Variants in MAD1L1 observed in about 807,000 individuals in gnomAD.
MAD1L1 encodes the protein mitotic arrest deficient 1 like 1.
MAD1L1 carries 95 observed loss-of-function variants against 96.9 expected under a neutral mutation model. That is an observed-to-expected ratio of 0.98 (90% confidence interval 0.83 to 1.16). The LOEUF (loss-of-function observed/expected upper bound fraction) is 1.16, where lower values mean the gene tolerates loss of function less well. Ranked by LOEUF, MAD1L1 falls within the 50% of genes most tolerant of loss-of-function variation. The pLI, the probability that MAD1L1 is intolerant of heterozygous loss-of-function variation, is 0.00. For synonymous variants in MAD1L1, 473 were observed against 396.6 expected (o/e 1.19, Z -2.29); for missense variants, 1,007 against 954.4 (o/e 1.06, Z -0.73).
intron 10 of MAD1L1, among the ~76,000 whole-genome samples, chr7:2,162,233 T>C (rs1050288820): frequency 1.2e-4 from 18 of 152,222 alleles, no homozygotes; most frequent in Non-Finnish European, 1.3e-4. Flanking sequence ...CTCCATTTTG[T>C]TCTGTACTAA....
chr7:2,105,103 G>A (rs771771790), intron 11 of MAD1L1, among the ~76,000 whole-genome samples: 1 of 152,152 alleles, frequency 6.6e-6, no homozygotes, highest in African/African-American at 2.4e-5. Flanking sequence ...GAGGTCTGCC[G>A]GGAAGAAACT....
chr7:1,979,327 G>A (rs1476198899), intron 15 of MAD1L1, among the ~76,000 whole-genome samples: 3 of 152,208 alleles, frequency 2.0e-5, no homozygotes, highest in African/African-American at 7.2e-5. Flanking sequence ...GAGAAACCCT[G>A]GATGCCCAGG....
At chr7:1,832,263 G>A (rs930138908) in intron 18 of MAD1L1, among the ~76,000 whole-genome samples, 6 of 152,164 alleles carry the variant, frequency 3.9e-5, no homozygotes, top group African/African-American at 9.7e-5. Context: ...ATGGACAGAT[G>A]TGGTGAAAAT....
intron 17 of MAD1L1, among the ~76,000 whole-genome samples, chr7:1,900,164 C>A (rs903343452): frequency 1.3e-5 from 2 of 152,238 alleles, no homozygotes; most frequent in Non-Finnish European, 2.9e-5. Flanking sequence ...GCTATGACAG[C>A]TATGAACACG....
At chr7:2,064,505 A>G (rs1376636181) in intron 12 of MAD1L1, among the ~76,000 whole-genome samples, 1 of 152,256 alleles carries the variant, frequency 6.6e-6, no homozygotes, top group African/African-American at 2.4e-5. Flanking sequence ...TGGGCCAGGA[A>G]CATAGCAGGA....
intron 12 of MAD1L1, among the ~76,000 whole-genome samples, chr7:2,022,575 C>G (rs1291334887): frequency 6.6e-6 from 1 of 151,616 alleles, no homozygotes; most frequent in Non-Finnish European, 1.5e-5. Flanking sequence ...AAATTCTGTG[C>G]TAACAGAATT....
At chr7:2,218,427 G>C (rs1373934410) in intron 6 of MAD1L1, among the ~76,000 whole-genome samples, 1 of 152,198 alleles carries the variant, frequency 6.6e-6, no homozygotes, top group Non-Finnish European at 1.5e-5. Context: ...TCTCTACTAC[G>C]GAACTAGAAC....
chr7:2,098,726 G>A (rs1274843993), intron 11 of MAD1L1, among the ~76,000 whole-genome samples: 3 of 152,092 alleles, frequency 2.0e-5, no homozygotes, highest in African/African-American at 7.2e-5. Context: ...TACCACACCC[G>A]ATAGCTGCCC....
chr7:2,171,470 C>T (rs1790701271), intron 10 of MAD1L1, among the ~76,000 whole-genome samples: 1 of 152,166 alleles, frequency 6.6e-6, no homozygotes, highest in Admixed American at 6.5e-5. Flanking sequence ...CTCCACCCTG[C>T]AAAGGACAGC....
intron 18 of MAD1L1, among the ~76,000 whole-genome samples, chr7:1,881,574 TA>T (rs1410760717): frequency 6.6e-6 from 1 of 152,146 alleles, no homozygotes; most frequent in African/African-American, 2.4e-5. Context: ...AACAAGGAAA[TA>T]TTTTAAGTAA....
intron 18 of MAD1L1, among the ~76,000 whole-genome samples, chr7:1,839,677 C>A (rs914732736): frequency 2.6e-5 from 4 of 152,170 alleles, no homozygotes; most frequent in African/African-American, 9.7e-5. Flanking sequence ...CCAGATAAAA[C>A]CATTGGCCAG....
chr7:1,831,933 T>C (rs929742823), intron 18 of MAD1L1, among the ~76,000 whole-genome samples: 1 of 152,266 alleles, frequency 6.6e-6, no homozygotes, highest in Non-Finnish European at 1.5e-5. Context: ...TACTGGGCTC[T>C]GATGGAGATG....
At chr7:1,874,620 C>T (rs551269610) in intron 18 of MAD1L1, 5 of 436,896 alleles carry the variant, frequency 1.1e-5, no homozygotes, top group East Asian at 7.1e-5. Context: ...GGCTCTTCAT[C>T]GATCGCCTGG....
chr7:1,974,932 G>C (rs2128481287), intron 15 of MAD1L1, among the ~76,000 whole-genome samples: 1 of 152,336 alleles, frequency 6.6e-6, no homozygotes, highest in East Asian at 1.9e-4. Flanking sequence ...GGCAGGCAGG[G>C]CCCTGAGGAC....
intron 17 of MAD1L1, among the ~76,000 whole-genome samples, chr7:1,911,929 G>A (rs996645362): frequency 1.1e-4 from 17 of 152,272 alleles, no homozygotes; most frequent in South Asian, 2.1e-4. Context: ...GAAGGCAGGG[G>A]CTGGGCCTCA....
At chr7:2,041,980 G>A (rs1414575930) in intron 12 of MAD1L1, among the ~76,000 whole-genome samples, 1 of 152,116 alleles carries the variant, frequency 6.6e-6, no homozygotes, top group African/African-American at 2.4e-5. Flanking sequence ...GAGAGAACTA[G>A]CTCCCTGGGA....
At chr7:2,203,894 G>A (rs905357915) in intron 10 of MAD1L1, among the ~76,000 whole-genome samples, 3 of 152,192 alleles carry the variant, frequency 2.0e-5, no homozygotes, top group Non-Finnish European at 4.4e-5. Context: ...TTCTGGAACA[G>A]CCCCCCAGGA....
chr7:1,867,894 A>G (rs1411647470), intron 18 of MAD1L1, among the ~76,000 whole-genome samples: 1 of 152,236 alleles, frequency 6.6e-6, no homozygotes, highest in South Asian at 2.1e-4. Context: ...CCCTGCCCAG[A>G]TGAGAGCCAC....
intron 10 of MAD1L1, among the ~76,000 whole-genome samples, chr7:2,202,930 C>G (rs1030728698): frequency 6.6e-6 from 1 of 152,302 alleles, no homozygotes; most frequent in Admixed American, 6.5e-5. Context: ...GGAAAATGTC[C>G]AGGTCAGCAC....
Sources: gnomAD v4.1 joint callset for allele counts (sites outside exome capture counted in the v4.1 genomes callset) on GRCh38, gnomAD v4.1.1 for gene constraint, MANE v1.5 for transcripts, NCBI Gene and HGNC (gene_info 2026-07-23, HGNC 2026-07-21) for gene names.